Variants in CBL observed in about 807,000 individuals in gnomAD.
CBL encodes the protein Cbl proto-oncogene.
In CBL, 45 loss-of-function variants were observed where a neutral mutation model predicts 96.9. The observed-to-expected ratio is 0.46, with a 90% CI of 0.37 to 0.60. CBL has a LOEUF of 0.60. Ranked by LOEUF, CBL falls within the 20% of genes least tolerant of loss-of-function variation. The probability of loss-of-function intolerance (pLI) is 0.00; values close to 1 mark genes in which losing one functional copy is unlikely to be tolerated. For synonymous variants in CBL, 420 were observed against 426.8 expected (o/e 0.98, Z 0.20); for missense variants, 1,024 against 1,143.5 (o/e 0.90, Z 1.51).
rs1950162157 is a variant in CBL, at chr11:119,307,932, GTAAA to G, written c.*8154_*8157del. The stretch of plus-strand genomic sequence containing the variant: ...CTGTAAAGAATAAGAAAAACAGAAG[GTAAA>G]TATTCTTACAGAGAATAGCAGAGCT... On this transcript the variant is annotated 3_prime_UTR_variant, in exon 16 of 16. Coordinates refer to ENST00000264033, the MANE Select transcript of CBL (RefSeq NM_005188.4). 5.0e-6 allele frequency: 1 copy of G among 198,108 alleles called. No individual in the cohort carries two copies. Among genetic ancestry groups the G allele is most frequent in the East Asian group, 7.9e-5 (1 of 12,624 alleles). 12.3% of individuals were successfully genotyped at this position (198,108 alleles called of 1,614,324 possible).
chr11:119,217,969 C>CA (rs1468936132), intron 1 of CBL, among the ~76,000 whole-genome samples: 1 of 151,940 alleles, frequency 6.6e-6, no homozygotes, highest in Non-Finnish European at 1.5e-5. Context: ...CCCAGATACT[C>CA]AGGAGGCTGA....
At chr11:119,229,125 CT>C (rs753971291) in intron 1 of CBL, among the ~76,000 whole-genome samples, 4 of 152,120 alleles carry the variant, frequency 2.6e-5, no homozygotes, top group Non-Finnish European at 5.9e-5. Flanking sequence ...CAGTGTCGGT[CT>C]TCCCCACTTC....
intron 2 of CBL, among the ~76,000 whole-genome samples, chr11:119,258,951 T>G (rs1438839124): frequency 6.6e-6 from 1 of 152,228 alleles, no homozygotes; most frequent in African/African-American, 2.4e-5. Flanking sequence ...CTGTGATTTC[T>G]TTCAGCAGTG....
chr11:119,283,782 C>T (rs1298877377), intron 9 of CBL, among the ~76,000 whole-genome samples: 2 of 151,112 alleles, frequency 1.3e-5, no homozygotes, highest in African/African-American at 4.9e-5. Context: ...GGACTACAGG[C>T]GCCCGCCACC....
intron 2 of CBL, among the ~76,000 whole-genome samples, chr11:119,236,595 G>GTGTATA (rs1017051945): frequency 7.3e-6 from 1 of 137,746 alleles, no homozygotes; most frequent in African/African-American, 2.7e-5. Flanking sequence ...CTTCTTTTGA[G>GTGTATA]TATATATATA....
intron 2 of CBL, among the ~76,000 whole-genome samples, chr11:119,253,239 A>C (rs12287028): frequency 6.6e-6 from 1 of 151,630 alleles, no homozygotes; most frequent in African/African-American, 2.4e-5. Context: ...TGAAAAAAAA[A>C]TTTTTTTAAG....
At chr11:119,248,006 T>C (rs1949645081) in intron 2 of CBL, among the ~76,000 whole-genome samples, 1 of 152,198 alleles carries the variant, frequency 6.6e-6, no homozygotes, top group Non-Finnish European at 1.5e-5. Flanking sequence ...AGAGACATTC[T>C]GTGTTCATGG....
intron 9 of CBL, among the ~76,000 whole-genome samples, chr11:119,281,786 T>G (rs1470626403): frequency 6.6e-6 from 1 of 152,098 alleles, no homozygotes; most frequent in Non-Finnish European, 1.5e-5. Flanking sequence ...TGTGAGCCAC[T>G]GCACCTGGCC....
At chr11:119,272,031 G>A in intron 3 of CBL, 150 bp downstream of exon 3, 1 of 760,520 alleles carries the variant, frequency 1.3e-6, no homozygotes, top group East Asian at 2.7e-5. Flanking sequence ...TAAATATTAA[G>A]TTTTTGCTCT....
chr11:119,206,375 G>GGGT lies in CBL; in HGVS notation c.-43_-42insGGT. On this transcript the variant is annotated 5_prime_UTR_variant, in exon 1 of 16. Coordinates refer to ENST00000264033, the MANE Select transcript of CBL (RefSeq NM_005188.4). The stretch of plus-strand genomic sequence containing the variant: ...GCTTCTCTCCCTCGCTCGCAGTCGA[G>GGGT]CCGAGCCGGCGGACCCGCCTGGGCT... 7.0e-7 allele frequency: 1 copy of GGGT among 1,435,210 alleles called. No homozygotes were observed. Among genetic ancestry groups the GGGT allele is most frequent in the Non-Finnish European group, 9.2e-7 (1 of 1,086,234 alleles). The allele number at this position is 1,435,210 out of a possible 1,614,324, so 88.9% of individuals were successfully genotyped here.
At chr11:119,262,921 C>T (rs757457287) in intron 2 of CBL, among the ~76,000 whole-genome samples, 2 of 152,146 alleles carry the variant, frequency 1.3e-5, no homozygotes, top group Non-Finnish European at 2.9e-5. Flanking sequence ...ACCAAAGAGC[C>T]CTGGCTCTTG....
At chr11:119,252,575 G>T (rs981277849) in intron 2 of CBL, among the ~76,000 whole-genome samples, 1 of 152,148 alleles carries the variant, frequency 6.6e-6, no homozygotes, top group Non-Finnish European at 1.5e-5. Flanking sequence ...CTAGATTGAG[G>T]CCAGGTGCGG....
chr11:119,215,683 C>T (rs1051483976), intron 1 of CBL, among the ~76,000 whole-genome samples: 25 of 150,072 alleles, frequency 1.7e-4, no homozygotes, highest in Non-Finnish European at 2.2e-4. Context: ...AAAAAAAAGC[C>T]GAGGGTTGTG....
Position 119,303,562 on chromosome 11 carries a change from A to C in CBL, c.*3781A>C, listed in dbSNP as rs1950115269. The C allele has an allele frequency of 1.3e-5, 3 of 233,560 alleles. No homozygotes were observed. The highest frequency in any genetic ancestry group is 1.7e-5 in the Non-Finnish European group (2 of 118,064). 14.5% of individuals were successfully genotyped at this position (233,560 alleles called of 1,614,324 possible). ...TTTTATTCACAGCTCTTCCATGTAGACTTACCTTTCCTCATAGAGCTATCC... is the reference window on the plus strand; with the variant it reads ...TTTTATTCACAGCTCTTCCATGTAGCCTTACCTTTCCTCATAGAGCTATCC... On this transcript the variant is annotated 3_prime_UTR_variant, in exon 16 of 16. Coordinates refer to ENST00000264033, the MANE Select transcript of CBL (RefSeq NM_005188.4).
intron 9 of CBL, among the ~76,000 whole-genome samples, chr11:119,281,075 G>A (rs1169609892): frequency 1.3e-5 from 2 of 152,088 alleles, no homozygotes; most frequent in African/African-American, 4.8e-5. Flanking sequence ...AAATCTGTTA[G>A]TATAGTAGTA....
chr11:119,255,446 C>T (rs1284236752), intron 2 of CBL, among the ~76,000 whole-genome samples: 2 of 151,946 alleles, frequency 1.3e-5, no homozygotes, highest in African/African-American at 4.8e-5. Context: ...ATGTTTTTTC[C>T]CTGTATTATG....
intron 2 of CBL, among the ~76,000 whole-genome samples, chr11:119,252,640 G>A (rs1301267910): frequency 6.6e-6 from 1 of 152,074 alleles, no homozygotes; most frequent in African/African-American, 2.4e-5. Flanking sequence ...TGGATCACCT[G>A]AGGTCAGGAG....
rs398076284 is a variant in CBL, at chr11:119,303,021, G to GGT, written c.*3242_*3243dup. 3 of 228,898 alleles carry GGT rather than the reference G, an allele frequency of 1.3e-5. No individual in the cohort carries two copies. The highest frequency in any genetic ancestry group is 2.2e-5 in the African/African-American group (1 of 45,154). 14.2% of individuals were successfully genotyped at this position (228,898 alleles called of 1,614,324 possible). ...ATTTAAAAGATTTCTGGTTAAGGGA[G>GGT]GTGGGGGTCACTGTTCATCACTCTT... On this transcript the variant is annotated 3_prime_UTR_variant, in exon 16 of 16. Transcript: ENST00000264033.
rs1287548889 is a variant in CBL, at chr11:119,306,295, C to T, written c.*6514C>T. ...CTCCCTGTGTTTGTACAGAGCAAAG[C>T]CCAAAAGCCAACCTCAGATCTCCTG... On this transcript the variant is annotated 3_prime_UTR_variant, in exon 16 of 16. Coordinates refer to ENST00000264033, the MANE Select transcript of CBL (RefSeq NM_005188.4). The T allele has an allele frequency of 5.0e-6, 2 of 398,480 alleles. No individual in the cohort carries two copies. The highest frequency in any genetic ancestry group is 8.8e-6 in the Non-Finnish European group (2 of 226,070). 24.7% of individuals were successfully genotyped at this position (398,480 alleles called of 1,614,324 possible).
Sources: gnomAD v4.1 joint callset for allele counts (sites outside exome capture counted in the v4.1 genomes callset) on GRCh38, gnomAD v4.1.1 for gene constraint, MANE v1.5 for transcripts, NCBI Gene and HGNC (gene_info 2026-07-23, HGNC 2026-07-21) for gene names.